The following CDH18 variants were observed in gnomAD, a reference collection of about 807,000 sequenced individuals.
CDH18 encodes cadherin 18.
A neutral mutation model predicts 67.9 loss-of-function variants in CDH18; 31 were observed. The ratio of observed to expected loss-of-function variants is 0.46; its 90% confidence interval spans 0.34 to 0.62. The LOEUF (loss-of-function observed/expected upper bound fraction) is 0.62, where lower values mean the gene tolerates loss of function less well. Among genes scored for constraint, CDH18 ranks in the 20% least tolerant of loss-of-function variants. The pLI is 0.01. For missense variants in CDH18, 890 were observed against 975.5 expected (o/e 0.91, Z 1.17); for synonymous variants, 362 against 347.2 (o/e 1.04, Z -0.48).
chr5:20,518,715 G>A (rs1380856964), intron 1 of CDH18, among the ~76,000 whole-genome samples: 1 of 152,146 alleles, frequency 6.6e-6, no homozygotes, highest in African/African-American at 2.4e-5. Context: ...TGTAATGATG[G>A]GAGCCAAATC....
chr5:19,738,606 A>G (rs1768672747), intron 4 of CDH18, among the ~76,000 whole-genome samples: 1 of 152,230 alleles, frequency 6.6e-6, no homozygotes, highest in Admixed American at 6.5e-5. Context: ...TTATGCAGAA[A>G]AATATGTATC....
chr5:19,555,122 A>G (rs1228934365), intron 8 of CDH18, among the ~76,000 whole-genome samples: 1 of 152,216 alleles, frequency 6.6e-6, no homozygotes, highest in Non-Finnish European at 1.5e-5. Context: ...CAGACGTTGT[A>G]TGACTAGAGC....
chr5:20,102,061 A>G (rs1580245944), intron 2 of CDH18, among the ~76,000 whole-genome samples: 1 of 152,332 alleles, frequency 6.6e-6, no homozygotes, highest in East Asian at 1.9e-4. Flanking sequence ...ACAGAGTGAG[A>G]TGCTGTCTCG....
chr5:19,553,414 A>C (rs1328490972), intron 8 of CDH18, among the ~76,000 whole-genome samples: 1 of 151,582 alleles, frequency 6.6e-6, no homozygotes, highest in Non-Finnish European at 1.5e-5. Context: ...AATAATAATA[A>C]AATTAAAAAA....
Position 19,736,758 on chromosome 5 carries a change from T to A in CDH18, c.523+10184A>T, listed in dbSNP as rs184804625. ...AACTTAGAGAGTAGCACCGCTTTTA[T>A]GAAAGGTCGCAACTTCCACAATATT... is the stretch of plus-strand genomic sequence containing the variant. On this transcript the variant is annotated intron_variant, in intron 4 of 12. Transcript: ENST00000382275. 3.9e-5 allele frequency among the ~76,000 whole-genome samples: 6 copies of A among 152,302 alleles called. No individual in the cohort carries two copies. In the East Asian group the frequency reaches 1.2e-3, roughly 29 times the overall value.
At chr5:19,792,978 C>T (rs1439119166) in intron 3 of CDH18, among the ~76,000 whole-genome samples, 2 of 152,054 alleles carry the variant, frequency 1.3e-5, no homozygotes. Flanking sequence ...TTGTCATAGC[C>T]TTTATAGCTT....
chr5:20,573,350 G>C (rs1324686460), intron 1 of CDH18, among the ~76,000 whole-genome samples: 10 of 150,344 alleles, frequency 6.7e-5, no homozygotes, highest in Non-Finnish European at 7.4e-5. Flanking sequence ...TTAGAATTAC[G>C]TTTTTTTTTA....
At chr5:20,406,865 G>A (rs1224929252) in intron 1 of CDH18, among the ~76,000 whole-genome samples, 1 of 152,144 alleles carries the variant, frequency 6.6e-6, no homozygotes, top group Admixed American at 6.6e-5. Context: ...GCTTTGGCAT[G>A]CTTCGTTAGC....
chr5:20,100,160 G>T (rs111695811), intron 2 of CDH18, among the ~76,000 whole-genome samples: 3,036 of 152,154 alleles, frequency 0.02, 99 homozygotes, highest in African/African-American at 0.067. Context: ...ACAAAGATTT[G>T]TCCCAAATAA....
intron 5 of CDH18, among the ~76,000 whole-genome samples, chr5:19,614,102 G>A (rs1265227678): frequency 6.6e-6 from 1 of 151,962 alleles, no homozygotes; most frequent in East Asian, 1.9e-4. Context: ...CTTAATTTAT[G>A]AGAAGGAGTT....
intron 1 of CDH18, among the ~76,000 whole-genome samples, chr5:20,265,348 G>T (rs1744953618): frequency 6.6e-6 from 1 of 151,968 alleles, no homozygotes; most frequent in Non-Finnish European, 1.5e-5. Flanking sequence ...TTTCCTCTAT[G>T]AATGCCAAGA....
intron 1 of CDH18, among the ~76,000 whole-genome samples, chr5:20,448,913 G>A (rs919554479): frequency 2.6e-5 from 4 of 152,032 alleles, no homozygotes; most frequent in East Asian, 1.9e-4. Flanking sequence ...TAGATATCAC[G>A]TCTGGAACTG....
chr5:20,328,083 A>G (rs910497048), intron 1 of CDH18, among the ~76,000 whole-genome samples: 1 of 152,052 alleles, frequency 6.6e-6, no homozygotes, highest in South Asian at 2.1e-4. Flanking sequence ...GAGAAGAGTG[A>G]TGAAGCATCA....
At chr5:19,989,557 C>A (rs1270171616), upstream of CDH18, among the ~76,000 whole-genome samples, 4 of 152,140 alleles carry the variant, frequency 2.6e-5, no homozygotes, top group African/African-American at 7.2e-5. Context: ...AAATCTGTAT[C>A]CTTGTACAAA....
chr5:20,281,582 C>T (rs866746381), intron 1 of CDH18, among the ~76,000 whole-genome samples: 32 of 152,200 alleles, frequency 2.1e-4, no homozygotes, highest in African/African-American at 7.2e-4. Flanking sequence ...TGTTTTGGTA[C>T]CAGTACCGTG....
chr5:20,009,819 G>T (rs960340191), intron 2 of CDH18, among the ~76,000 whole-genome samples: 1 of 152,084 alleles, frequency 6.6e-6, no homozygotes, highest in South Asian at 2.1e-4. Context: ...GCCAGTATTT[G>T]CTTCTTGTTC....
intron 1 of CDH18, among the ~76,000 whole-genome samples, chr5:20,501,594 T>TAA (rs1554010562): frequency 8.5e-5 from 3 of 35,278 alleles, no homozygotes; most frequent in South Asian, 5.8e-4. Flanking sequence ...TATATATATA[T>TAA]TATATATATA....
chr5:19,492,009 A>G (rs1212048588), intron 11 of CDH18, among the ~76,000 whole-genome samples: 1 of 152,148 alleles, frequency 6.6e-6, no homozygotes, highest in Non-Finnish European at 1.5e-5. Flanking sequence ...AACACATACA[A>G]AAAAAGAGAA....
chr5:19,605,067 ATACC>A (rs1207462157), intron 6 of CDH18, among the ~76,000 whole-genome samples: 3 of 151,990 alleles, frequency 2.0e-5, no homozygotes, highest in Non-Finnish European at 2.9e-5. Flanking sequence ...TACCATAAAC[ATACC>A]TACCTAAACA....
Sources: gnomAD v4.1 joint callset for allele counts (sites outside exome capture counted in the v4.1 genomes callset) on GRCh38, gnomAD v4.1.1 for gene constraint, MANE v1.5 for transcripts, NCBI Gene and HGNC (gene_info 2026-07-23, HGNC 2026-07-21) for gene names.